The following STON2 variants were observed in gnomAD, a reference collection of about 807,000 sequenced individuals.
STON2 encodes the protein stonin 2.
In STON2, 29 loss-of-function variants were observed where a neutral mutation model predicts 65.7. The ratio of observed to expected loss-of-function variants is 0.44; its 90% CI spans 0.33 to 0.60. STON2 has a LOEUF of 0.60. STON2 is among the 20% of genes least tolerant of loss of function. The pLI is 0.03. For missense variants in STON2, 1,054 were observed against 1,118.1 expected (o/e 0.94, Z 0.82); for synonymous variants, 404 against 414.2 (o/e 0.98, Z 0.30).
At chr14:81,388,828 T>C (rs1899945858) in intron 3 of STON2, among the ~76,000 whole-genome samples, 1 of 152,170 alleles carries the variant, frequency 6.6e-6, no homozygotes, top group African/African-American at 2.4e-5. Context: ...CTGTGTGTGT[T>C]ATGTGTGTGT....
upstream of STON2, among the ~76,000 whole-genome samples, chr14:81,400,627 G>A (rs1238289845): frequency 1.3e-5 from 2 of 152,076 alleles, no homozygotes; most frequent in Admixed American, 6.6e-5. Flanking sequence ...AACAGGGGAC[G>A]AAGGTGAAGG....
intron 2 of STON2, among the ~76,000 whole-genome samples, chr14:81,416,417 C>T (rs1362618929): frequency 1.3e-5 from 2 of 152,140 alleles, no homozygotes; most frequent in Non-Finnish European, 2.9e-5. Flanking sequence ...GAGCTTCAGC[C>T]TGAGACAGGA....
At chr14:81,431,394 T>C (rs1902219220) in intron 1 of STON2, among the ~76,000 whole-genome samples, 1 of 152,150 alleles carries the variant, frequency 6.6e-6, no homozygotes, top group Admixed American at 6.5e-5. Flanking sequence ...TCCTAGCACT[T>C]TGAGAGGCTG....
At chr14:81,371,238 T>A (rs947067418) in intron 3 of STON2, 53 bp from the exon 4 acceptor site, 3 of 1,519,442 alleles carry the variant, frequency 2.0e-6, no homozygotes, top group Non-Finnish European at 2.7e-6. Flanking sequence ...TGTACTTTGT[T>A]TATCTTTAGT....
At position 81,277,030 on chromosome 14, in the gene STON2, C is replaced by T. The variant is rs746140734; in HGVS notation, c.2452G>A (p.Ala818Thr). Residue 818 changes from alanine to threonine, a missense_variant, in exon 6 of 8, where the codon GCA (alanine) becomes ACA (threonine). Coordinates refer to ENST00000614646, the MANE Select transcript of STON2 (RefSeq NM_001394390.1). Reference protein sequence around the residue: ...KSLKAKVNRGASFGSTSVSGS... With the variant: ...KSLKAKVNRGTSFGSTSVSGS... Reference sequence around the variant, plus strand: ...GAAACACTAGTGGAGCCAAAACTTGCCCCCCGGTTCACTTTGGCTTTCAAA... The same window carrying T: ...GAAACACTAGTGGAGCCAAAACTTGTCCCCCGGTTCACTTTGGCTTTCAAA... 3.7e-6 allele frequency: 6 copies of T among 1,614,174 alleles called. No homozygotes were observed. Among genetic ancestry groups the T allele is most frequent in the South Asian group, 2.2e-5 (2 of 91,084 alleles).
intron 2 of STON2, among the ~76,000 whole-genome samples, chr14:81,419,598 C>G (rs1416418618): frequency 6.6e-6 from 1 of 152,194 alleles, no homozygotes; most frequent in Non-Finnish European, 1.5e-5. Flanking sequence ...TAGACAAGGA[C>G]AGGGGATGCA....
chr14:81,357,277 C>T (rs1208979003), intron 4 of STON2, among the ~76,000 whole-genome samples: 1 of 151,906 alleles, frequency 6.6e-6, no homozygotes, highest in Non-Finnish European at 1.5e-5. Flanking sequence ...GACATTTATG[C>T]AGCCAAAAAA....
intron 4 of STON2, among the ~76,000 whole-genome samples, chr14:81,349,004 T>C (rs1897922759): frequency 6.6e-6 from 1 of 152,168 alleles, no homozygotes; most frequent in Admixed American, 6.6e-5. Flanking sequence ...GACACCTTCT[T>C]CAATAAATTG....
In STON2 at chr14:81,264,356, T is replaced by C. The variant is rs1894276716; in HGVS notation, c.*4058A>G. ...TGCTTGCTGGCTTTATTATGAGTAT[T>C]TGATGATAAGTAAGGGTTAAGTAGC... On this transcript the variant is annotated 3_prime_UTR_variant, in exon 8 of 8. Transcript: ENST00000614646. 4 of 985,466 alleles carry C rather than the reference T, an allele frequency of 4.1e-6. No individual in the cohort carries two copies. The highest frequency in any genetic ancestry group is 1.7e-5 in the African/African-American group (1 of 57,372). 61.0% of individuals were successfully genotyped at this position (985,466 alleles called of 1,614,324 possible).
chr14:81,370,002 C>A (rs1898912503), intron 4 of STON2, among the ~76,000 whole-genome samples: 1 of 152,154 alleles, frequency 6.6e-6, no homozygotes, highest in Non-Finnish European at 1.5e-5. Context: ...ACCACAGCTT[C>A]TGAAGACAAA....
chr14:81,289,436 G>A (rs1595299100), intron 5 of STON2, among the ~76,000 whole-genome samples: 1 of 152,136 alleles, frequency 6.6e-6, no homozygotes, highest in Non-Finnish European at 1.5e-5. Flanking sequence ...AAAACTATAG[G>A]GAAAGGACGC....
intron 5 of STON2, among the ~76,000 whole-genome samples, chr14:81,323,196 A>C (rs1896882418): frequency 6.6e-6 from 1 of 152,204 alleles, no homozygotes; most frequent in East Asian, 1.9e-4. Context: ...TGTGTTTAGA[A>C]TAAATATTTG....
intron 4 of STON2, among the ~76,000 whole-genome samples, chr14:81,327,374 A>T (rs1034337013): frequency 6.6e-6 from 1 of 152,106 alleles, no homozygotes; most frequent in African/African-American, 2.4e-5. Context: ...TTTGCCAGAA[A>T]ATGTCCCACA....
In STON2 at chr14:81,398,335, G is replaced by C; in HGVS notation, c.48C>G (p.Val16=). 1 of 1,614,104 alleles carries C rather than the reference G, an allele frequency of 6.2e-7. No individual in the cohort carries two copies. Among genetic ancestry groups the C allele is most frequent in the Non-Finnish European group, 8.5e-7 (1 of 1,179,992 alleles). ...GAAAGGGTGGCTCTTCATTGAAGGA[G>C]ACCCATTCTGACTGGTGGGTGGCAA... ...HVIATHQSEW[V]SFNEEPPFPA... The change falls in exon 2 of 8, where the codon GTC becomes GTG. Residue 16 remains valine (V), a synonymous_variant. Transcript: ENST00000614646.
At chr14:81,409,230 C>T (rs543386235) in intron 2 of STON2, among the ~76,000 whole-genome samples, 30 of 151,978 alleles carry the variant, frequency 2.0e-4, no homozygotes, top group Non-Finnish European at 3.7e-4. Context: ...CATGGTGAAA[C>T]CTCGTCTCTA....
intron 4 of STON2, among the ~76,000 whole-genome samples, chr14:81,337,640 C>A (rs2140283267): frequency 6.6e-6 from 1 of 152,174 alleles, no homozygotes; most frequent in African/African-American, 2.4e-5. Flanking sequence ...GAAGAACGAC[C>A]TTCCAGAAAG....
intron 2 of STON2, 28 bp downstream of exon 2, chr14:81,398,267 C>T: frequency 6.6e-7 from 1 of 1,518,340 alleles, no homozygotes; most frequent in Non-Finnish European, 9.1e-7. Flanking sequence ...ACAATCTCTT[C>T]ACTTTAGGAA....
rs924422707 is a variant in STON2 at position 81,265,685 on chromosome 14, CAATAAT to C, written c.*2723_*2728del. 21 of 317,548 alleles carry C rather than the reference CAATAAT, an allele frequency of 6.6e-5. No individual in the cohort carries two copies. The highest frequency in any genetic ancestry group is 2.8e-4 in the South Asian group (2 of 7,262). 19.7% of individuals were successfully genotyped at this position (317,548 alleles called of 1,614,324 possible). ...TAATAATAATAATAATACTCTGTCT[CAATAAT>C]AATAATAATAATAATTTGTTTGCAG... On this transcript the variant is annotated 3_prime_UTR_variant, in exon 8 of 8. Coordinates refer to ENST00000614646, the MANE Select transcript of STON2 (RefSeq NM_001394390.1).
chr14:81,423,327 T>A (rs1481788658), intron 2 of STON2, among the ~76,000 whole-genome samples: 1 of 152,106 alleles, frequency 6.6e-6, no homozygotes, highest in Admixed American at 6.5e-5. Context: ...AGCCAGAGAC[T>A]CTCATCTCTG....
Sources: gnomAD v4.1 joint callset for allele counts (sites outside exome capture counted in the v4.1 genomes callset) on GRCh38, gnomAD v4.1.1 for gene constraint, MANE v1.5 for transcripts, NCBI Gene and HGNC (gene_info 2026-07-23, HGNC 2026-07-21) for gene names.